Variants in APC observed in about 807,000 individuals in gnomAD.
APC encodes the protein adenomatous polyposis coli protein.
A neutral mutation model predicts 247.0 loss-of-function variants in APC; 72 were observed. That is an observed-to-expected ratio of 0.29 (90% CI 0.24 to 0.35). The LOEUF (loss-of-function observed/expected upper bound fraction) is 0.35, where lower values mean the gene tolerates loss of function less well. Ranked by LOEUF, APC falls within the 10% of genes least tolerant of loss-of-function variation. The probability of loss-of-function intolerance (pLI) is 1.00; values close to 1 mark genes in which losing one functional copy is unlikely to be tolerated. For synonymous variants in APC, 1,254 were observed against 1,162.5 expected (o/e 1.08, Z -1.60); for missense variants, 3,400 against 3,360.7 (o/e 1.01, Z -0.29).
intron 8 of APC, among the ~76,000 whole-genome samples, chr5:112,805,474 A>G (rs760024191): frequency 6.6e-6 from 1 of 152,206 alleles, no homozygotes; most frequent in African/African-American, 2.4e-5. Context: ...AGCAGTAGCA[A>G]TCATAGACTT....
chr5:112,791,458 C>T (rs1484201022), intron 6 of APC, among the ~76,000 whole-genome samples: 2 of 152,200 alleles, frequency 1.3e-5, no homozygotes, highest in Non-Finnish European at 2.9e-5. Flanking sequence ...TGAGCCCTGC[C>T]TCCTGCCACC....
intron 1 of APC, among the ~76,000 whole-genome samples, chr5:112,714,852 G>A (rs989302739): frequency 2.6e-5 from 4 of 151,992 alleles, no homozygotes; most frequent in African/African-American, 7.3e-5. Context: ...TATTCTTAAT[G>A]TCTAAATGTC....
At chr5:112,827,836 A>G in intron 12 of APC, 93 bp from the exon 13 acceptor site, 5 of 1,007,372 alleles carry the variant, frequency 5.0e-6, no homozygotes, top group South Asian at 2.7e-5. Context: ...AAAACAAAAT[A>G]ATGAAAACTG....
upstream of APC, among the ~76,000 whole-genome samples, chr5:112,733,376 T>C (rs1246440261): frequency 6.6e-6 from 1 of 152,140 alleles, no homozygotes. Context: ...GTGGGCCAAA[T>C]GTAAGGGTCT....
At chr5:112,796,273 A>G (rs948005873) in intron 7 of APC, among the ~76,000 whole-genome samples, 23 of 152,198 alleles carry the variant, frequency 1.5e-4, no homozygotes, top group Non-Finnish European at 7.4e-5. Context: ...AAAATGCAGA[A>G]CTAGCCATTG....
At position 112,753,283 on chromosome 5, in the gene APC, ACTT is replaced by A. The variant is rs548454196; in HGVS notation, c.-18-1585_-18-1583del. 2.3e-4 allele frequency among the ~76,000 whole-genome samples: 35 copies of A among 152,204 alleles called. No individual in the cohort carries two copies. The South Asian group carries it at 7.2e-3, about 32-fold the overall frequency. On this transcript the variant is annotated intron_variant, in intron 1 of 15. Coordinates refer to ENST00000257430, the MANE Select transcript of APC (RefSeq NM_000038.6). ...TTGAGATGTCTCCTTTGGCTGCATT[ACTT>A]CTTCACCCCTTGCCCATTGATCAGA...
At chr5:112,823,731 G>C (rs576204699) in intron 11 of APC, among the ~76,000 whole-genome samples, 3 of 152,116 alleles carry the variant, frequency 2.0e-5, no homozygotes, top group Non-Finnish European at 4.4e-5. Context: ...ACTGTGCTAG[G>C]CACTAGATTT....
At chr5:112,734,877 A>T (rs1443983926), upstream of APC, among the ~76,000 whole-genome samples, 1 of 137,772 alleles carries the variant, frequency 7.3e-6, no homozygotes, top group Non-Finnish European at 1.6e-5. Context: ...TGCAGCCCCC[A>T]CCTCCCAGGT....
chr5:112,810,084 A>G (rs946966144), intron 8 of APC: 8 of 454,822 alleles, frequency 1.8e-5, no homozygotes, highest in Non-Finnish European at 3.5e-5. Context: ...GTTAACTGAT[A>G]CAGACTATAA....
Position 112,844,226 on chromosome 5 carries a change from A to G in APC, c.*100A>G. ...ACTTTAAAAGACTGAAAAATTTTGT[A>G]AATAGGTTTGATTCTTGTTAGAGGG... On this transcript the variant is annotated 3_prime_UTR_variant, in exon 16 of 16. Coordinates refer to ENST00000257430, the MANE Select transcript of APC (RefSeq NM_000038.6). The G allele has an allele frequency of 8.6e-7, 1 of 1,165,098 alleles. No individual in the cohort carries two copies. Among genetic ancestry groups the G allele is most frequent in the Non-Finnish European group, 1.2e-6 (1 of 819,716 alleles). The allele number at this position is 1,165,098 out of a possible 1,614,324, so 72.2% of individuals were successfully genotyped here.
chr5:112,754,301 C>G (rs2149734633), intron 1 of APC, among the ~76,000 whole-genome samples: 1 of 152,310 alleles, frequency 6.6e-6, no homozygotes, highest in Middle Eastern at 3.4e-3. Context: ...ATTTAATGCT[C>G]TCCTTCATGT....
intron 1 of APC, among the ~76,000 whole-genome samples, chr5:112,720,464 G>A (rs1751421478): frequency 6.6e-6 from 1 of 152,152 alleles, no homozygotes; most frequent in Non-Finnish European, 1.5e-5. Context: ...TTTAGAACTG[G>A]AAGAGACCCT....
intron 8 of APC, among the ~76,000 whole-genome samples, chr5:112,803,219 C>G (rs920937755): frequency 2.0e-5 from 3 of 152,116 alleles, no homozygotes; most frequent in African/African-American, 7.2e-5. Context: ...TTGTCAAATG[C>G]ATCTAGCATT....
chr5:112,800,156 G>A (rs1157060731), intron 7 of APC, among the ~76,000 whole-genome samples: 1 of 152,186 alleles, frequency 6.6e-6, no homozygotes, highest in Non-Finnish European at 1.5e-5. Context: ...AGCATCTATT[G>A]CAAGTAACTA....
intron 1 of APC, chr5:112,707,999 G>A: frequency 9.4e-7 from 1 of 1,066,740 alleles, no homozygotes; most frequent in Non-Finnish European, 1.2e-6. Flanking sequence ...TTCTCTCCAT[G>A]TCTCACCCTC....
Position 112,792,473 on chromosome 5 carries a change from G to C in APC, c.673G>C (p.Glu225Gln), listed in dbSNP as rs768233232. 6.2e-7 allele frequency: 1 copy of C among 1,610,796 alleles called. No individual in the cohort carries two copies. The highest frequency in any genetic ancestry group is 8.5e-7 in the Non-Finnish European group (1 of 1,178,242). Residue 225 changes from glutamate to glutamine, a missense_variant, in exon 7 of 16, where the codon GAA becomes CAA. Coordinates refer to ENST00000257430, the MANE Select transcript of APC (RefSeq NM_000038.6). The stretch of plus-strand genomic sequence containing the variant: ...AAGAATAGCCAGAATTCAGCAAATC[G>C]AAAAGGACATACTTCGTATACGACA... ...QRRIARIQQI[E>Q]KDILRIRQLL...
intron 1 of APC, among the ~76,000 whole-genome samples, chr5:112,742,592 A>G (rs549022708): frequency 1.3e-4 from 20 of 152,296 alleles, no homozygotes; most frequent in East Asian, 3.9e-4. Context: ...TTCATTGGCT[A>G]TTGGCAAGAG....
rs558224920 is a variant in APC at position 112,772,742 on chromosome 5, C to T, written c.423-2887C>T. Reference sequence around the variant, plus strand: ...ATGTTGGCCAGGCTGGTCTCGAACTCCTGACTTCAAGTGATCCACCTGCCT... The same window carrying T: ...ATGTTGGCCAGGCTGGTCTCGAACTTCTGACTTCAAGTGATCCACCTGCCT... On this transcript the variant is annotated intron_variant, in intron 4 of 15. Coordinates refer to ENST00000257430, the MANE Select transcript of APC (RefSeq NM_000038.6). 2.0e-5 allele frequency among the ~76,000 whole-genome samples: 3 copies of T among 152,268 alleles called. No homozygotes were observed. In the East Asian group the frequency reaches 5.8e-4, roughly 29 times the overall value.
At chr5:112,770,782 A>C (rs139736880) in intron 4 of APC, among the ~76,000 whole-genome samples, 1 of 152,244 alleles carries the variant, frequency 6.6e-6, no homozygotes, top group East Asian at 1.9e-4. Context: ...AAGATTTGTT[A>C]AATTCACTCA....
Sources: allele counts gnomAD v4.1 joint callset (sites outside exome capture counted in the v4.1 genomes callset), GRCh38; gene constraint gnomAD v4.1.1; transcripts MANE v1.5; gene names NCBI Gene and HGNC (gene_info 2026-07-23, HGNC 2026-07-21).